KHDRBS2: variants seen among roughly 807,000 people sequenced by gnomAD.
KHDRBS2 encodes the protein KH domain-containing, RNA-binding, signal transduction-associated protein 2.
In KHDRBS2, 26 loss-of-function variants were observed where a neutral mutation model predicts 44.3. The ratio of observed to expected loss-of-function variants is 0.59; its 90% CI spans 0.43 to 0.81. The LOEUF (loss-of-function observed/expected upper bound fraction) is 0.81, where lower values mean the gene tolerates loss of function less well. Among genes scored for constraint, KHDRBS2 ranks in the 40% least tolerant of loss-of-function variants. The pLI, the probability that KHDRBS2 is intolerant of heterozygous loss-of-function variation, is 0.00. For synonymous variants in KHDRBS2, 194 were observed against 151.1 expected, an observed-to-expected ratio of 1.28 and a Z score of -2.08; for missense variants, 476 against 433.1, an observed-to-expected ratio of 1.10 and a Z score of -0.88.
At chr6:61,867,851 G>T (rs1798011305) in intron 6 of KHDRBS2, among the ~76,000 whole-genome samples, 2 of 152,086 alleles carry the variant, frequency 1.3e-5, no homozygotes, top group South Asian at 4.1e-4. Flanking sequence ...GTTACTGACT[G>T]GTTGCCAGCC....
chr6:62,250,003 G>T (rs1836257605), intron 1 of KHDRBS2, among the ~76,000 whole-genome samples: 1 of 152,018 alleles, frequency 6.6e-6, no homozygotes, highest in East Asian at 1.9e-4. Flanking sequence ...GTAGCACTCT[G>T]TTCTTGCATT....
chr6:62,105,763 G>C (rs1369313127), intron 2 of KHDRBS2, among the ~76,000 whole-genome samples: 4 of 151,880 alleles, frequency 2.6e-5, no homozygotes, highest in Non-Finnish European at 5.9e-5. Flanking sequence ...AGGGTTTTTT[G>C]TGTCTCTATT....
intron 1 of KHDRBS2, among the ~76,000 whole-genome samples, chr6:62,185,413 G>C (rs1290939364): frequency 1.3e-5 from 2 of 151,918 alleles, no homozygotes; most frequent in Non-Finnish European, 2.9e-5. Flanking sequence ...CAGGCTAAAG[G>C]TCAGCAGGTC....
intron 6 of KHDRBS2, among the ~76,000 whole-genome samples, chr6:61,869,167 C>A (rs1265186098): frequency 1.3e-5 from 2 of 152,194 alleles, no homozygotes; most frequent in Admixed American, 1.3e-4. Context: ...AGTTGTTTTC[C>A]TGATCAATCT....
chr6:62,264,719 T>C (rs1465254188), intron 1 of KHDRBS2, among the ~76,000 whole-genome samples: 1 of 151,798 alleles, frequency 6.6e-6, no homozygotes, highest in Non-Finnish European at 1.5e-5. Flanking sequence ...CCGACTGCCT[T>C]TCTTTTTTTC....
intron 8 of KHDRBS2, among the ~76,000 whole-genome samples, chr6:61,689,872 C>A (rs962599616): frequency 2.4e-4 from 37 of 152,006 alleles, no homozygotes; most frequent in African/African-American, 8.9e-4. Flanking sequence ...TGTATATATA[C>A]AGATATACAT....
chr6:61,814,852 T>TG (rs376181686), intron 6 of KHDRBS2, among the ~76,000 whole-genome samples: 1,860 of 152,164 alleles, frequency 0.012, 32 homozygotes, highest in African/African-American at 0.042. Context: ...CAGCATCTTT[T>TG]GGGGATTGGT....
At chr6:62,227,215 T>C (rs1306369950) in intron 1 of KHDRBS2, among the ~76,000 whole-genome samples, 1 of 152,198 alleles carries the variant, frequency 6.6e-6, no homozygotes, top group African/African-American at 2.4e-5. Context: ...CGGTTTGTAG[T>C]TCCCTTTTAA....
chr6:62,197,736 C>A (rs893840018), intron 1 of KHDRBS2, among the ~76,000 whole-genome samples: 3 of 152,124 alleles, frequency 2.0e-5, no homozygotes, highest in African/African-American at 7.2e-5. Flanking sequence ...ACCAAGCAGA[C>A]CTAATAGACA....
intron 6 of KHDRBS2, among the ~76,000 whole-genome samples, chr6:61,756,956 T>C (rs1778581652): frequency 6.6e-6 from 1 of 152,220 alleles, no homozygotes; most frequent in Non-Finnish European, 1.5e-5. Context: ...TTTATGTAAA[T>C]GCAACAACAT....
At chr6:61,768,350 C>A (rs972102719) in intron 6 of KHDRBS2, among the ~76,000 whole-genome samples, 2 of 152,110 alleles carry the variant, frequency 1.3e-5, no homozygotes, top group African/African-American at 4.8e-5. Flanking sequence ...TGGGTTATAT[C>A]TGCCTGGTGT....
chr6:61,760,979 T>TATTATAGTATAAAGC (rs2127572526), intron 6 of KHDRBS2, among the ~76,000 whole-genome samples: 1 of 152,350 alleles, frequency 6.6e-6, no homozygotes, highest in Admixed American at 6.5e-5. Flanking sequence ...TAAAGCTATT[T>TATTATAGTATAAAGC]TTAGTGGTAA....
chr6:61,754,361 G>T (rs1731293093), intron 6 of KHDRBS2, among the ~76,000 whole-genome samples: 1 of 152,126 alleles, frequency 6.6e-6, no homozygotes, highest in African/African-American at 2.4e-5. Flanking sequence ...CCAATCTTCA[G>T]TCGTATGTGT....
chr6:61,846,557 G>T (rs1223672677), intron 6 of KHDRBS2, among the ~76,000 whole-genome samples: 1 of 152,106 alleles, frequency 6.6e-6, no homozygotes. Flanking sequence ...TATTTCCATT[G>T]AGAAAGAAGA....
chr6:61,788,160 G>T (rs548758579), intron 6 of KHDRBS2, among the ~76,000 whole-genome samples: 2 of 151,478 alleles, frequency 1.3e-5, no homozygotes, highest in Non-Finnish European at 3.0e-5. Flanking sequence ...ATAAAATATT[G>T]CATTAGATAT....
chr6:61,770,390 G>T (rs963941750), intron 6 of KHDRBS2, among the ~76,000 whole-genome samples: 8 of 152,166 alleles, frequency 5.3e-5, no homozygotes, highest in Non-Finnish European at 8.8e-5. Flanking sequence ...ACTACTCCGA[G>T]CTACAGGAGG....
Position 61,917,032 on chromosome 6 carries a change from T to A in KHDRBS2, c.484-15661A>T, listed in dbSNP as rs1807153428. ...ATGATATTGAAACTTAGAACCACAG[T>A]TTGACAGTTTCTTAGAGAACTAAAC... On this transcript the variant is annotated intron_variant, in intron 4 of 8. Transcript: ENST00000281156. Among the ~76,000 whole-genome samples, 3 of 144,328 alleles carry A rather than the reference T, an allele frequency of 2.1e-5. No homozygotes were observed. The South Asian group carries it at 6.5e-4, about 31-fold the overall frequency. 94.7% of individuals were successfully genotyped at this position (144,328 alleles called of 152,430 possible). A position where few individuals can be genotyped will look rare whatever the true frequency, so the allele number is the denominator to read the frequency against.
At chr6:61,966,351 A>G (rs1350158862) in intron 4 of KHDRBS2, among the ~76,000 whole-genome samples, 4 of 152,062 alleles carry the variant, frequency 2.6e-5, no homozygotes, top group Non-Finnish European at 5.9e-5. Flanking sequence ...AAATAAATTT[A>G]GCATTTTAAT....
the KHDRBS2 span, among the ~76,000 whole-genome samples, chr6:61,598,906 G>T: frequency 1.6e-3 from 210 of 128,914 alleles, 4 homozygotes; most frequent in African/African-American, 5.8e-3. Flanking sequence ...AGTGTACAAA[G>T]AATTTAAATT....
Sources: allele counts gnomAD v4.1 joint callset (sites outside exome capture counted in the v4.1 genomes callset), GRCh38; gene constraint gnomAD v4.1.1; transcripts MANE v1.5; gene names NCBI Gene and HGNC (gene_info 2026-07-23, HGNC 2026-07-21).